Variants in SHROOM4 observed in about 807,000 individuals in gnomAD.
The protein encoded by SHROOM4 is shroom family member 4.
SHROOM4 carries 17 observed loss-of-function variants against 80.3 expected under a neutral mutation model. The ratio of observed to expected loss-of-function variants is 0.21; its 90% CI spans 0.14 to 0.32. SHROOM4 has a LOEUF of 0.32. SHROOM4 is among the 10% of genes least tolerant of loss of function. SHROOM4 has a pLI of 1.00. For synonymous variants in SHROOM4, 400 were observed against 437.5 expected (o/e 0.91, Z 1.07); for missense variants, 993 against 1,140.3 (o/e 0.87, Z 1.86).
At chrX:50,761,569 TTC>T (rs2039154770) in intron 1 of SHROOM4, among the ~76,000 whole-genome samples, 1 of 111,144 alleles carries the variant, frequency 9.0e-6, no homozygotes, top group African/African-American at 3.3e-5. Context: ...CATGTATATC[TTC>T]TTTTTTTTTG....
chrX:50,645,703 A>T (rs1931805368), intron 2 of SHROOM4, among the ~76,000 whole-genome samples: 1 of 111,841 alleles, frequency 8.9e-6, no homozygotes, highest in Admixed American at 9.5e-5. Context: ...TGGTGGAGGG[A>T]AAAGGGCATA....
At chrX:50,576,756 A>T in the SHROOM4 span, among the ~76,000 whole-genome samples, 20 of 111,284 alleles carry the variant, frequency 1.8e-4, no homozygotes, top group African/African-American at 6.2e-4. Context: ...TTCATATAAA[A>T]TTTTTAGTGG....
rs782673130 is a variant in SHROOM4, at chrX:50,591,969, G to A, written c.*4726C>T. The A allele has an allele frequency of 1.8e-5, 6 of 327,062 alleles. No homozygotes were observed. Among genetic ancestry groups the A allele is most frequent in the South Asian group, 7.8e-5 (3 of 38,299 alleles). 27.0% of individuals were successfully genotyped at this position (327,062 alleles called of 1,213,427 possible). ...CCTGACCTCGTGATCCACCTGCCTC[G>A]GCCTCCCAAAGTGCTGGGATTTCAG... is the stretch of plus-strand genomic sequence containing the variant. On this transcript the variant is annotated 3_prime_UTR_variant, in exon 9 of 9. Transcript: ENST00000376020.
At chrX:50,650,464 C>T (rs1257712265) in intron 2 of SHROOM4, among the ~76,000 whole-genome samples, 1 of 111,238 alleles carries the variant, frequency 9.0e-6, no homozygotes, top group African/African-American at 3.3e-5. Flanking sequence ...GATGGCCCTG[C>T]CTCAGCCTCC....
chrX:50,811,824 G>A (rs1015753724), intron 1 of SHROOM4, among the ~76,000 whole-genome samples: 1 of 111,123 alleles, frequency 9.0e-6, no homozygotes, highest in African/African-American at 3.3e-5. Flanking sequence ...ATGTCATAAT[G>A]AGCCTTCATA....
intron 1 of SHROOM4, among the ~76,000 whole-genome samples, chrX:50,800,787 C>G (rs1569549251): frequency 9.1e-6 from 1 of 110,485 alleles, no homozygotes; most frequent in Non-Finnish European, 1.9e-5. Flanking sequence ...ATTCTACAGG[C>G]AGCAGGGAAC....
rs960497880 is a variant in SHROOM4 at position 50,590,541 on chromosome X, C to T, written c.*6154G>A. ...CTGGGATTACAGGCGTGAGCCACCG[C>T]GCCTGGCCGAGACCAGATCCCTTTC... On this transcript the variant is annotated 3_prime_UTR_variant, in exon 9 of 9. Transcript: ENST00000376020. Among the ~76,000 whole-genome samples, 2 of 111,128 alleles carry T rather than the reference C, an allele frequency of 1.8e-5. No individual in the cohort carries two copies. The highest frequency in any genetic ancestry group is 3.3e-5 in the African/African-American group (1 of 30,537).
intron 7 of SHROOM4, among the ~76,000 whole-genome samples, chrX:50,600,564 G>C (rs782024279): frequency 8.9e-6 from 1 of 111,961 alleles, no homozygotes; most frequent in Non-Finnish European, 1.9e-5. Flanking sequence ...TTGTTCATAG[G>C]AGTATGCTTC....
At chrX:50,753,675 C>T (rs1934972696) in intron 1 of SHROOM4, among the ~76,000 whole-genome samples, 1 of 111,912 alleles carries the variant, frequency 8.9e-6, no homozygotes, top group South Asian at 3.7e-4. Context: ...TATACTGATT[C>T]CATGTTGAAA....
intron 1 of SHROOM4, among the ~76,000 whole-genome samples, chrX:50,785,356 T>C (rs1935718552): frequency 8.9e-6 from 1 of 111,943 alleles, no homozygotes; most frequent in Non-Finnish European, 1.9e-5. Flanking sequence ...ATAGCAGCTT[T>C]ATTCATAATA....
intron 1 of SHROOM4, among the ~76,000 whole-genome samples, chrX:50,699,749 A>G (rs1933469570): frequency 8.9e-6 from 1 of 112,221 alleles, no homozygotes; most frequent in South Asian, 3.7e-4. Flanking sequence ...AGCTGTCAAC[A>G]AAGTGACAAG....
At chrX:50,774,396 A>C (rs1485793642) in intron 1 of SHROOM4, among the ~76,000 whole-genome samples, 3 of 111,679 alleles carry the variant, frequency 2.7e-5, no homozygotes, top group African/African-American at 9.8e-5. Context: ...GGACTTGAGA[A>C]TACATCTCTT....
chrX:50,611,106 C>T (rs1929951804), intron 5 of SHROOM4, among the ~76,000 whole-genome samples: 1 of 106,255 alleles, frequency 9.4e-6, no homozygotes, highest in Admixed American at 1.0e-4. Flanking sequence ...CATGACAATA[C>T]GGTAACACTA....
chrX:50,779,418 C>G (rs1157491573), intron 1 of SHROOM4, among the ~76,000 whole-genome samples: 1 of 112,329 alleles, frequency 8.9e-6, no homozygotes, highest in Non-Finnish European at 1.9e-5. Context: ...ATTGTAAGAA[C>G]TCACAAGCTT....
chrX:50,681,341 C>G (rs782747103), intron 2 of SHROOM4, among the ~76,000 whole-genome samples: 1 of 111,328 alleles, frequency 9.0e-6, no homozygotes, highest in Non-Finnish European at 1.9e-5. Flanking sequence ...CCTACAAGGC[C>G]CTGTGTGATT....
At chrX:50,798,297 C>A (rs1296120157) in intron 1 of SHROOM4, among the ~76,000 whole-genome samples, 1 of 111,576 alleles carries the variant, frequency 9.0e-6, no homozygotes, top group Admixed American at 9.5e-5. Context: ...TCCCTCTTAG[C>A]CTCAATTTCT....
intron 1 of SHROOM4, among the ~76,000 whole-genome samples, chrX:50,810,225 T>C (rs1372623675): frequency 1.8e-5 from 2 of 111,131 alleles, no homozygotes; most frequent in African/African-American, 6.6e-5. Context: ...GGCAGTTGAA[T>C]TCCCCATATT....
At chrX:50,678,802 G>A (rs971020469) in intron 2 of SHROOM4, among the ~76,000 whole-genome samples, 7 of 110,733 alleles carry the variant, frequency 6.3e-5, no homozygotes, top group Non-Finnish European at 1.1e-4. Flanking sequence ...AATCTGACAT[G>A]TTCTCTCTCA....
At chrX:50,625,648 C>T (rs1031001683) in intron 5 of SHROOM4, among the ~76,000 whole-genome samples, 1 of 111,554 alleles carries the variant, frequency 9.0e-6, no homozygotes, top group Non-Finnish European at 1.9e-5. Flanking sequence ...CCATTTCTAT[C>T]GCACCTCTAC....
Sources: gnomAD v4.1 joint callset for allele counts (sites outside exome capture counted in the v4.1 genomes callset) on GRCh38, gnomAD v4.1.1 for gene constraint, MANE v1.5 for transcripts, NCBI Gene and HGNC (gene_info 2026-07-23, HGNC 2026-07-21) for gene names.